NR5A2: variants seen among roughly 807,000 people sequenced by gnomAD.
NR5A2 encodes the protein nuclear receptor subfamily 5 group A member 2, also known as CYP7A promoter-binding factor.
In NR5A2, 26 loss-of-function variants were observed where a neutral mutation model predicts 62.7. The ratio of observed to expected loss-of-function variants is 0.41; its 90% confidence interval spans 0.30 to 0.58. The LOEUF is 0.58. Ranked by LOEUF, NR5A2 falls within the 20% of genes least tolerant of loss-of-function variation. NR5A2 has a pLI of 0.22. For missense variants in NR5A2, 541 were observed against 669.1 expected (o/e 0.81, Z 2.11); for synonymous variants, 246 against 241.7 (o/e 1.02, Z -0.16).
intron 5 of NR5A2, among the ~76,000 whole-genome samples, chr1:200,070,699 T>C (rs1233821514): frequency 7.0e-6 from 1 of 143,516 alleles, no homozygotes; most frequent in Non-Finnish European, 1.5e-5. Context: ...AAAAAATCAC[T>C]CACTGTTCCT....
chr1:200,039,755 A>G lies in NR5A2; in HGVS notation c.162A>G (p.Arg54=). 1 of 1,610,454 alleles carries G rather than the reference A, an allele frequency of 6.2e-7. No homozygotes were observed. ...KVETEALGLA[R]SHGEQGQMPE... Reference sequence around the variant, plus strand: ...AGACGGAAGCCCTGGGACTGGCTCGATCGCATGGGGAACAGGGCCAGATGC... The same window carrying G: ...AGACGGAAGCCCTGGGACTGGCTCGGTCGCATGGGGAACAGGGCCAGATGC... The change falls in exon 2 of 8, where the codon CGA becomes CGG. Residue 54 remains arginine (R), a synonymous_variant. Transcript: ENST00000367362. The surrounding 1 kb of genome is among the most constrained non-coding windows in gnomAD (Gnocchi z 5.1).
chr1:200,137,078 G>C (rs933422619), intron 7 of NR5A2, among the ~76,000 whole-genome samples: 2 of 151,738 alleles, frequency 1.3e-5, no homozygotes, highest in Admixed American at 6.6e-5. Context: ...CAAGCAGTCC[G>C]CCAGCCTCAG....
At chr1:200,158,207 G>C (rs1408805981) in intron 7 of NR5A2, among the ~76,000 whole-genome samples, 1 of 152,084 alleles carries the variant, frequency 6.6e-6, no homozygotes, top group Non-Finnish European at 1.5e-5. Flanking sequence ...TAACACAGTG[G>C]GGCACAATTA....
chr1:200,139,555 T>C (rs1358469707), intron 7 of NR5A2, among the ~76,000 whole-genome samples: 1 of 152,234 alleles, frequency 6.6e-6, no homozygotes, highest in Admixed American at 6.5e-5. Context: ...CAACAGCTAT[T>C]TTTTCTTTGC....
At chr1:200,128,521 T>C (rs1001781153) in intron 7 of NR5A2, among the ~76,000 whole-genome samples, 1 of 152,196 alleles carries the variant, frequency 6.6e-6, no homozygotes, top group African/African-American at 2.4e-5. Flanking sequence ...ATAGCTTTCG[T>C]TATATATATG....
intron 7 of NR5A2, among the ~76,000 whole-genome samples, chr1:200,150,410 G>A (rs994202141): frequency 6.6e-6 from 1 of 152,170 alleles, no homozygotes; most frequent in African/African-American, 2.4e-5. Context: ...ATGCCTCTAT[G>A]CTACAACAGT....
chr1:200,120,789 CT>C lies in NR5A2; in HGVS notation c.1231-18del. On this transcript the variant is annotated intron_variant, in intron 6 of 7. Transcript: ENST00000367362. Reference sequence around the variant, plus strand: ...TTGCTGATTCTGATAGTCCTTAAAACTGTGATTCTGTATTGCAGGTGGACTA... The same window carrying C: ...TTGCTGATTCTGATAGTCCTTAAAACGTGATTCTGTATTGCAGGTGGACTA... 6.6e-7 allele frequency: 1 copy of C among 1,520,194 alleles called. No homozygotes were observed. Among genetic ancestry groups the C allele is most frequent in the East Asian group, 2.3e-5 (1 of 42,600 alleles). 94.2% of individuals were successfully genotyped at this position (1,520,194 alleles called of 1,614,324 possible). A position where few individuals can be genotyped will look rare whatever the true frequency, so the allele number is the denominator to read the frequency against.
At chr1:200,043,930 C>A (rs967640234) in intron 3 of NR5A2, 38 bp downstream of exon 3, 3 of 1,336,370 alleles carry the variant, frequency 2.2e-6, no homozygotes, top group Admixed American at 1.8e-5. Context: ...ATATAATGTC[C>A]AACACCAAAA....
chr1:200,118,105 C>G (rs1666325460), intron 6 of NR5A2, among the ~76,000 whole-genome samples: 1 of 149,342 alleles, frequency 6.7e-6, no homozygotes, highest in Non-Finnish European at 1.5e-5. Flanking sequence ...CAACATCTGC[C>G]TCCTGGGTTC....
intron 6 of NR5A2, among the ~76,000 whole-genome samples, chr1:200,112,079 G>GA (rs536242858): frequency 0.023 from 2,302 of 98,448 alleles, 17 homozygotes; most frequent in African/African-American, 0.05. Context: ...CTGAATAAAA[G>GA]AAAAAAAAAA....
intron 5 of NR5A2, among the ~76,000 whole-genome samples, chr1:200,067,767 G>GA (rs1558118364): frequency 1.3e-5 from 2 of 152,108 alleles, no homozygotes; most frequent in African/African-American, 4.8e-5. Context: ...ATGTACCCCC[G>GA]AACCTAAAAT....
At chr1:200,065,914 G>T (rs1306993899) in intron 5 of NR5A2, among the ~76,000 whole-genome samples, 1 of 152,168 alleles carries the variant, frequency 6.6e-6, no homozygotes, top group Non-Finnish European at 1.5e-5. Flanking sequence ...GAAAATAAAG[G>T]AAGGTCACTA....
chr1:200,146,350 A>T (rs899287714), intron 7 of NR5A2, among the ~76,000 whole-genome samples: 1 of 152,206 alleles, frequency 6.6e-6, no homozygotes, highest in Non-Finnish European at 1.5e-5. Context: ...TACTCAGTGG[A>T]TTCTGTTGCT....
intron 5 of NR5A2, among the ~76,000 whole-genome samples, chr1:200,060,939 T>TTA (rs762822630): frequency 1.1e-5 from 1 of 87,850 alleles, no homozygotes; most frequent in Non-Finnish European, 2.2e-5. Context: ...CCATCTCTAC[T>TTA]AAAAAAAAAA....
At chr1:200,088,415 G>T (rs1025040573) in intron 5 of NR5A2, among the ~76,000 whole-genome samples, 1 of 151,884 alleles carries the variant, frequency 6.6e-6, no homozygotes, top group Non-Finnish European at 1.5e-5. Context: ...GTGCCACCAC[G>T]CCCAGTTAAT....
At chr1:200,141,389 C>A (rs1263252349) in intron 7 of NR5A2, among the ~76,000 whole-genome samples, 1 of 151,994 alleles carries the variant, frequency 6.6e-6, no homozygotes, top group African/African-American at 2.4e-5. Context: ...GAATTGGCAT[C>A]TTTCACTCAG....
intron 1 of NR5A2, among the ~76,000 whole-genome samples, chr1:200,037,475 GTTC>G (rs1364344185): frequency 4.6e-5 from 7 of 152,174 alleles, no homozygotes; most frequent in African/African-American, 1.4e-4. Flanking sequence ...GTGGGAGGAG[GTTC>G]TTCTTAATTA....
chr1:200,125,790 G>A (rs1390695473), intron 7 of NR5A2, among the ~76,000 whole-genome samples: 1 of 152,154 alleles, frequency 6.6e-6, no homozygotes, highest in Non-Finnish European at 1.5e-5. Context: ...CAAGTTGAAA[G>A]GGATTTTCAA....
chr1:200,132,127 A>G (rs140840719), intron 7 of NR5A2, among the ~76,000 whole-genome samples: 59 of 152,242 alleles, frequency 3.9e-4, no homozygotes, highest in African/African-American at 1.4e-3. Flanking sequence ...CTCCTGCCTC[A>G]GCCGCCTGAG....
Sources: allele counts gnomAD v4.1 joint callset (sites outside exome capture counted in the v4.1 genomes callset), GRCh38; gene constraint gnomAD v4.1.1; non-coding constraint Gnocchi (gnomAD v3.1); transcripts MANE v1.5; gene names NCBI Gene and HGNC (gene_info 2026-07-23, HGNC 2026-07-21).